Variants in CORIN observed in about 807,000 individuals in gnomAD.
The protein encoded by CORIN is corin, serine peptidase.
Under a neutral mutation model 125.3 loss-of-function variants are expected in CORIN, and 117 were observed. That is an observed-to-expected ratio of 0.93 (90% CI 0.80 to 1.09). The LOEUF is 1.09. Among genes scored for constraint, CORIN ranks in the 50% least tolerant of loss-of-function variants. CORIN has a pLI of 0.00. For missense variants in CORIN, 1,253 were observed against 1,306.7 expected (o/e 0.96, Z 0.63); for synonymous variants, 450 against 466.4 (o/e 0.96, Z 0.45).
chr4:47,744,390 A>G lies in CORIN; in HGVS notation c.799+12T>C, dbSNP rs371510173. The G allele has an allele frequency of 6.2e-7, 1 of 1,609,124 alleles. No homozygotes were observed. Among genetic ancestry groups the G allele is most frequent in the Non-Finnish European group, 8.5e-7 (1 of 1,177,572 alleles). ...AAATCTTCTAAAAATGAAATGAAAC[A>G]CAGACACCTACATTGCTTTCCGTTT... On this transcript the variant is annotated intron_variant, in intron 5 of 21. Transcript: ENST00000273857.
At chr4:47,805,759 T>A (rs1457742665) in intron 2 of CORIN, among the ~76,000 whole-genome samples, 1 of 152,242 alleles carries the variant, frequency 6.6e-6, no homozygotes, top group Admixed American at 6.5e-5. Context: ...AATTTTATTG[T>A]GGTTAACTTA....
chr4:47,602,037 G>A (rs1721467732), intron 20 of CORIN, among the ~76,000 whole-genome samples: 1 of 151,468 alleles, frequency 6.6e-6, no homozygotes, highest in African/African-American at 2.4e-5. Flanking sequence ...AGTTTCAGGT[G>A]GGTGGATCAC....
At chr4:47,834,697 G>A (rs897834729) in intron 1 of CORIN, among the ~76,000 whole-genome samples, 3 of 152,056 alleles carry the variant, frequency 2.0e-5, no homozygotes, top group Non-Finnish European at 4.4e-5. Flanking sequence ...TTGTGGTGAC[G>A]GTTTTATAGA....
intron 3 of CORIN, among the ~76,000 whole-genome samples, chr4:47,770,952 C>A (rs545772289): frequency 9.9e-4 from 151 of 152,092 alleles, no homozygotes; most frequent in African/African-American, 3.4e-3. Context: ...ATCAAGCGAC[C>A]TATTGTACAG....
chr4:47,796,083 A>G (rs1246917820), intron 2 of CORIN, among the ~76,000 whole-genome samples: 1 of 152,026 alleles, frequency 6.6e-6, no homozygotes, highest in East Asian at 1.9e-4. Context: ...TAAAAATAGA[A>G]CTATCGCATG....
At chr4:47,736,234 T>C (rs1055278055) in intron 5 of CORIN, among the ~76,000 whole-genome samples, 10 of 152,216 alleles carry the variant, frequency 6.6e-5, no homozygotes, top group Admixed American at 6.5e-4. Flanking sequence ...AGCTATATAC[T>C]ATCTTTTGGA....
At chr4:47,771,480 G>A (rs1730025845) in intron 3 of CORIN, among the ~76,000 whole-genome samples, 1 of 152,062 alleles carries the variant, frequency 6.6e-6, no homozygotes, top group Non-Finnish European at 1.5e-5. Flanking sequence ...ACATGTGCAG[G>A]TATATTACAT....
chr4:47,708,586 A>G (rs1321482980), intron 5 of CORIN, among the ~76,000 whole-genome samples: 1 of 152,088 alleles, frequency 6.6e-6, no homozygotes, highest in Non-Finnish European at 1.5e-5. Context: ...TCTCCCTACC[A>G]CAGGTGCCTT....
At chr4:47,759,423 C>T (rs1486846969) in intron 4 of CORIN, among the ~76,000 whole-genome samples, 1 of 152,056 alleles carries the variant, frequency 6.6e-6, no homozygotes, top group African/African-American at 2.4e-5. Context: ...AGTGAAGAGA[C>T]AACCTATGGA....
intron 11 of CORIN, among the ~76,000 whole-genome samples, chr4:47,662,138 C>T (rs55750573): frequency 0.016 from 2,477 of 152,322 alleles, 25 homozygotes; most frequent in Non-Finnish European, 0.025. Context: ...TCTACACTGC[C>T]TTTCTCATTC....
chr4:47,723,950 C>T (rs545070144), intron 5 of CORIN, among the ~76,000 whole-genome samples: 17 of 146,054 alleles, frequency 1.2e-4, no homozygotes, highest in South Asian at 8.7e-4. Flanking sequence ...GAGCTGAGAT[C>T]GCGCCACAGC....
At chr4:47,673,561 C>T (rs963319396) in intron 10 of CORIN, among the ~76,000 whole-genome samples, 1 of 152,088 alleles carries the variant, frequency 6.6e-6, no homozygotes, top group African/African-American at 2.4e-5. Context: ...TGGGGATTTT[C>T]TGATTCCATT....
rs143121110 is a variant in CORIN at position 47,606,786 on chromosome 4, T to A, written c.2541-3118A>T. On this transcript the variant is annotated intron_variant, in intron 19 of 21. Coordinates refer to ENST00000273857, the MANE Select transcript of CORIN (RefSeq NM_006587.4). ...CTTCTCTCCTTTCTTCTTTCTCTCG[T>A]TCCTTCCTTTTTCACTAAACAGTAA... is the stretch of plus-strand genomic sequence containing the variant. 9.3e-4 allele frequency among the ~76,000 whole-genome samples: 142 copies of A among 152,210 alleles called. 1 individual carries two copies. In the East Asian group the frequency reaches 0.018, roughly 19 times the overall value.
At chr4:47,745,343 A>G (rs913865594) in intron 4 of CORIN, among the ~76,000 whole-genome samples, 2 of 152,230 alleles carry the variant, frequency 1.3e-5, no homozygotes, top group African/African-American at 4.8e-5. Flanking sequence ...TTACAGCTGA[A>G]GGCTGCATCT....
At chr4:47,639,637 G>A (rs929784998) in intron 16 of CORIN, among the ~76,000 whole-genome samples, 1 of 152,206 alleles carries the variant, frequency 6.6e-6, no homozygotes, top group Non-Finnish European at 1.5e-5. Flanking sequence ...TCCTTGTGCA[G>A]CATAGGCCAA....
intron 12 of CORIN, among the ~76,000 whole-genome samples, chr4:47,655,763 T>A (rs1478446645): frequency 2.0e-5 from 3 of 149,964 alleles, no homozygotes; most frequent in African/African-American, 7.4e-5. Context: ...TACAACCTAC[T>A]AAGATTGAAC....
At chr4:47,680,030 C>T (rs1328881731) in intron 8 of CORIN, 111 bp downstream of exon 8, 9 of 643,210 alleles carry the variant, frequency 1.4e-5, no homozygotes, top group Admixed American at 2.7e-5. Flanking sequence ...GAATCTTTCC[C>T]TTGGAATGCT....
intron 4 of CORIN, among the ~76,000 whole-genome samples, chr4:47,762,135 T>C (rs1049594206): frequency 6.6e-6 from 1 of 152,182 alleles, no homozygotes; most frequent in Non-Finnish European, 1.5e-5. Flanking sequence ...TATGTGTATG[T>C]GTAGTATTCT....
At chr4:47,689,395 G>T (rs1725666857) in intron 6 of CORIN, among the ~76,000 whole-genome samples, 2 of 152,064 alleles carry the variant, frequency 1.3e-5, no homozygotes, top group Admixed American at 6.6e-5. Context: ...GCAGGAAATG[G>T]TAAGATCGAA....
Sources: allele counts gnomAD v4.1 joint callset (sites outside exome capture counted in the v4.1 genomes callset), GRCh38; gene constraint gnomAD v4.1.1; transcripts MANE v1.5; gene names NCBI Gene and HGNC (gene_info 2026-07-23, HGNC 2026-07-21).